The following SERPINF2 variants were observed in gnomAD, a reference collection of about 807,000 sequenced individuals.
SERPINF2 encodes alpha-2-antiplasmin.
A neutral mutation model predicts 45.0 loss-of-function variants in SERPINF2; 15 were observed. The observed-to-expected ratio is 0.33, with a 90% CI of 0.22 to 0.51. SERPINF2 has a LOEUF of 0.51. Ranked by LOEUF, SERPINF2 falls within the 20% of genes least tolerant of loss-of-function variation. SERPINF2 has a pLI of 0.97. For synonymous variants in SERPINF2, 283 were observed against 277.9 expected (o/e 1.02, Z -0.18); for missense variants, 518 against 637.4 (o/e 0.81, Z 2.02).
intron 1 of SERPINF2, 136 bp downstream of exon 1, chr17:1,743,044 G>T (rs1484784665): frequency 1.1e-5 from 11 of 985,310 alleles, no homozygotes; most frequent in Non-Finnish European, 1.3e-5. Flanking sequence ...AAAAACTGGA[G>T]CCTGTTCTTG....
At position 1,754,685 on chromosome 17, in the gene SERPINF2, T is replaced by TTGGGGG; in HGVS notation, c.*151_*152insTGGGGG. ...CCAACACCTCTTGGGGAGTTTAGGG[T>TTGGGGG]GGGGGGGGGGCGCGGCTGGGAGGAG... On this transcript the variant is annotated 3_prime_UTR_variant, in exon 10 of 10. Coordinates refer to ENST00000453066, the MANE Select transcript of SERPINF2 (RefSeq NM_000934.4). 1.1e-5 allele frequency: 2 copies of TTGGGGG among 179,688 alleles called. No individual in the cohort carries two copies. The highest frequency in any genetic ancestry group is 1.5e-4 in the East Asian group (1 of 6,544). The allele number at this position is 179,688 out of a possible 1,614,324, so 11.1% of individuals were successfully genotyped here. A position where few individuals can be genotyped will look rare whatever the true frequency, so the allele number is the denominator to read the frequency against.
chr17:1,747,004 T>A lies in SERPINF2; in HGVS notation c.368-15T>A. 1 of 1,603,694 alleles carries A rather than the reference T, an allele frequency of 6.2e-7. No individual in the cohort carries two copies. ...GGACCCGCAGCCGGGCCTCAGCCTGTGCGGTGCCCTCCAGGTGCTCAGAAC... is the reference window on the plus strand; with the variant it reads ...GGACCCGCAGCCGGGCCTCAGCCTGAGCGGTGCCCTCCAGGTGCTCAGAAC... On this transcript the variant is annotated splice_polypyrimidine_tract_variant and intron_variant, in intron 5 of 9. Coordinates refer to ENST00000453066, the MANE Select transcript of SERPINF2 (RefSeq NM_000934.4).
chr17:1,744,879 T>A lies in SERPINF2; in HGVS notation c.-4-113T>A, dbSNP rs1567737121. 1.9e-6 allele frequency: 3 copies of A among 1,579,882 alleles called. No homozygotes were observed. The South Asian group carries it at 3.4e-5, about 18-fold the overall frequency. On this transcript the variant is annotated intron_variant, in intron 1 of 9. Transcript: ENST00000453066. ...TGTTCTGATTCTGGAGCCTGCTTCT[T>A]CCCCTTGGCAATCATGACCCAGGAC...
intron 8 of SERPINF2, among the ~76,000 whole-genome samples, chr17:1,749,060 C>T (rs1308576496): frequency 6.6e-6 from 1 of 152,208 alleles, no homozygotes; most frequent in African/African-American, 2.4e-5. Flanking sequence ...GGAGGATACA[C>T]AGTGCAACAG....
At position 1,747,310 on chromosome 17, in the gene SERPINF2, A is replaced by T. The variant is rs1168615375; in HGVS notation, c.513A>T (p.Gly171=). Residue 171 remains glycine, a splice_region_variant and synonymous_variant, in exon 7 of 10, where the codon GGA becomes GGT. Coordinates refer to ENST00000453066, the MANE Select transcript of SERPINF2 (RefSeq NM_000934.4). The part of the protein sequence containing the change: ...RLAARMYLQK[G]FPIKEDFLEQ... Reference sequence around the variant, plus strand: ...ACAGCTTGTGCTGCCTCCGTGCAGGATTTCCCATCAAAGAAGATTTCCTGG... The same window carrying T: ...ACAGCTTGTGCTGCCTCCGTGCAGGTTTTCCCATCAAAGAAGATTTCCTGG... 1 of 1,613,842 alleles carries T rather than the reference A, an allele frequency of 6.2e-7. No homozygotes were observed. The highest frequency in any genetic ancestry group is 8.5e-7 in the Non-Finnish European group (1 of 1,180,016).
chr17:1,746,471 G>C (rs1215352018), intron 5 of SERPINF2, among the ~76,000 whole-genome samples: 1 of 147,550 alleles, frequency 6.8e-6, no homozygotes, highest in Admixed American at 6.8e-5. Context: ...CTGTCACCCA[G>C]GCTAGAGTGC....
rs1388322329 is a variant in SERPINF2, at chr17:1,754,389, T to G, written c.1331T>G (p.Leu444Arg). The G allele has an allele frequency of 6.2e-7, 1 of 1,614,006 alleles. No homozygotes were observed. Among genetic ancestry groups the G allele is most frequent in the South Asian group, 1.1e-5 (1 of 91,076 alleles). Residue 444 changes from leucine (L) to arginine (R), a missense_variant, in exon 10 of 10, where the codon CTC (leucine) becomes CGC (arginine). Physicochemically the swap from Leu to Arg is moderately radical, Grantham distance 102. Around this residue, in one of 2 missense-constraint regions of SERPINF2, gnomAD observed 83 missense variants for 60.0 expected, o/e 1.38. Transcript: ENST00000453066. ...CCCAACCCCAGTGCACCGCGGGAGC[T>G]CAAGGAACAGCAGGATTCCCCGGGC... ...RNPNPSAPRE[L>R]KEQQDSPGNK...
Position 1,754,512 on chromosome 17 carries a change from C to T in SERPINF2, c.1454C>T (p.Pro485Leu). The change falls in exon 10 of 10, where the codon CCC becomes CTC. Residue 485 changes from proline (P) to leucine (L), a missense_variant. Pro to Leu is a moderately conservative substitution (Grantham distance 98, BLOSUM62 -3). Transcript: ENST00000453066. ...GTGCCCCCCATGGAGGAGGATTACC[C>T]CCAGTTTGGCAGCCCCAAGTGAGGG... ...KLVPPMEEDYPQFGSPK is the reference protein window; with the variant it reads ...KLVPPMEEDYLQFGSPK The T allele has an allele frequency of 6.2e-7, 1 of 1,610,554 alleles. No homozygotes were observed. Among genetic ancestry groups the T allele is most frequent in the African/African-American group, 1.3e-5 (1 of 75,042 alleles).
At position 1,744,947 on chromosome 17, in the gene SERPINF2, C is replaced by G. The variant is rs781139539; in HGVS notation, c.-4-45C>G. The G allele has an allele frequency of 2.5e-6, 4 of 1,611,720 alleles. No individual in the cohort carries two copies. The Admixed American group carries it at 6.7e-5, about 27-fold the overall frequency. On this transcript the variant is annotated intron_variant, in intron 1 of 9. Transcript: ENST00000453066. ...CGCGTGGGTAGGATTCCCTGGCGGG[C>G]GTGGGGATGTGAGATGGGAACAGAG...
rs553501683 is a variant in SERPINF2 at position 1,745,254 on chromosome 17, G to C, written c.102+41G>C. On this transcript the variant is annotated intron_variant, in intron 3 of 9. Coordinates refer to ENST00000453066, the MANE Select transcript of SERPINF2 (RefSeq NM_000934.4). The surrounding 1 kb of genome is among the most constrained non-coding windows in gnomAD (Gnocchi z 6.2). ...GAGCCTGTGATGGGGGGAAGGTCCC[G>C]GGGGTCTCACTGGTGGCTTGGGCAG... is the stretch of plus-strand genomic sequence containing the variant. The C allele has an allele frequency of 3.1e-6, 5 of 1,594,440 alleles. No individual in the cohort carries two copies. The highest frequency in any genetic ancestry group is 4.3e-6 in the Non-Finnish European group (5 of 1,171,130).
intron 9 of SERPINF2, 38 bp downstream of exon 9, chr17:1,752,828 C>T: frequency 1.3e-6 from 2 of 1,552,230 alleles, no homozygotes; most frequent in Non-Finnish European, 8.8e-7. Context: ...CGAGGTCAGG[C>T]TGGGCAGGGC....
Position 1,754,392 on chromosome 17 carries a change from A to T in SERPINF2, c.1334A>T (p.Lys445Met). ...NPNPSAPREL[K>M]EQQDSPGNKD... Reference sequence around the variant, plus strand: ...AACCCCAGTGCACCGCGGGAGCTCAAGGAACAGCAGGATTCCCCGGGCAAC... The same window carrying T: ...AACCCCAGTGCACCGCGGGAGCTCATGGAACAGCAGGATTCCCCGGGCAAC... The change falls in exon 10 of 10, where the codon AAG (lysine) becomes ATG (methionine). Residue 445 changes from lysine to methionine, a missense_variant. This residue lies in a region of SERPINF2 where 83 missense variants were observed against 60.0 expected (regional missense o/e 1.38). Transcript: ENST00000453066. 1 of 1,613,916 alleles carries T rather than the reference A, an allele frequency of 6.2e-7. No homozygotes were observed. Among genetic ancestry groups the T allele is most frequent in the South Asian group, 1.1e-5 (1 of 91,080 alleles).
At chr17:1,746,274 G>A (rs1456161285) in intron 5 of SERPINF2, among the ~76,000 whole-genome samples, 5 of 151,802 alleles carry the variant, frequency 3.3e-5, no homozygotes, top group South Asian at 2.1e-4. Flanking sequence ...CCGAGATGGC[G>A]CCACTGCACT....
In SERPINF2 at chr17:1,748,757, C is replaced by T; in HGVS notation, c.858+17C>T. 1 of 1,290,262 alleles carries T rather than the reference C, an allele frequency of 7.8e-7. No individual in the cohort carries two copies. The highest frequency in any genetic ancestry group is 1.2e-5 in the South Asian group (1 of 84,656). The allele number at this position is 1,290,262 out of a possible 1,614,324, so 79.9% of individuals were successfully genotyped here. A position where few individuals can be genotyped will look rare whatever the true frequency, so the allele number is the denominator to read the frequency against. On this transcript the variant is annotated intron_variant, in intron 8 of 9. Coordinates refer to ENST00000453066, the MANE Select transcript of SERPINF2 (RefSeq NM_000934.4). Reference sequence around the variant, plus strand: ...GAGATCCAGGTCACCCTTGGTTGTCCAGCAGGCTGGGCCTGAGGCTGGGAG... The same window carrying T: ...GAGATCCAGGTCACCCTTGGTTGTCTAGCAGGCTGGGCCTGAGGCTGGGAG...
chr17:1,744,576 C>T (rs904818148), intron 1 of SERPINF2: 5 of 985,256 alleles, frequency 5.1e-6, no homozygotes, highest in Middle Eastern at 5.2e-4. Context: ...GGGACTTGTG[C>T]CACCGTTTTA....
chr17:1,745,406 G>A lies in SERPINF2; in HGVS notation c.165+11G>A, dbSNP rs374658185. On this transcript the variant is annotated intron_variant, in intron 4 of 9. Transcript: ENST00000453066. The surrounding 1 kb of genome is among the most constrained non-coding windows in gnomAD (Gnocchi z 6.2). The stretch of plus-strand genomic sequence containing the variant: ...AAGTTGGGCAACCAGGTACAACCAG[G>A]TGGGGCTGGGGAAGAGTGGGCGGGG... 9 of 1,612,260 alleles carry A rather than the reference G, an allele frequency of 5.6e-6. No homozygotes were observed. Among genetic ancestry groups the A allele is most frequent in the Non-Finnish European group, 7.6e-6 (9 of 1,179,832 alleles).
At chr17:1,748,150 A>G (rs1193050364) in intron 7 of SERPINF2, among the ~76,000 whole-genome samples, 1 of 151,878 alleles carries the variant, frequency 6.6e-6, no homozygotes, top group Non-Finnish European at 1.5e-5. Context: ...AATACAAAAA[A>G]ATTAGCTGGG....
intron 9 of SERPINF2, among the ~76,000 whole-genome samples, chr17:1,753,820 G>A (rs571692368): frequency 6.6e-6 from 1 of 152,348 alleles, no homozygotes; most frequent in African/African-American, 2.4e-5. Context: ...GTCTAATGGG[G>A]TGGGCAGACG....
chr17:1,753,376 T>A (rs1906555769), intron 9 of SERPINF2, among the ~76,000 whole-genome samples: 1 of 152,066 alleles, frequency 6.6e-6, no homozygotes, highest in Admixed American at 6.6e-5. Flanking sequence ...GCAAAAGAAC[T>A]AAGACCTTGT....
Sources: gnomAD v4.1 joint callset for allele counts (sites outside exome capture counted in the v4.1 genomes callset) on GRCh38, gnomAD v4.1.1 for gene constraint, gnomAD v4.1.1 regional missense constraint, Gnocchi (gnomAD v3.1) non-coding constraint, MANE v1.5 for transcripts, NCBI Gene and HGNC (gene_info 2026-07-23, HGNC 2026-07-21) for gene names.